PCLO: variants seen among roughly 807,000 people sequenced by gnomAD.
PCLO encodes the protein piccolo presynaptic cytomatrix protein.
A neutral mutation model predicts 427.5 loss-of-function variants in PCLO; 82 were observed. That is an observed-to-expected ratio of 0.19 (90% confidence interval 0.16 to 0.23). PCLO has a LOEUF of 0.23. PCLO is among the 10% of genes least tolerant of loss of function. PCLO has a pLI of 1.00. For synonymous variants in PCLO, 2,357 were observed against 2,155.4 expected (o/e 1.09, Z -2.59); for missense variants, 6,239 against 6,115.9 (o/e 1.02, Z -0.67).
chr7:83,139,676 T>C (rs1360754066), intron 2 of PCLO, among the ~76,000 whole-genome samples: 2 of 152,154 alleles, frequency 1.3e-5, no homozygotes, highest in Non-Finnish European at 2.9e-5. Flanking sequence ...TTGAACAGAC[T>C]CCAACCCCTC....
intron 3 of PCLO, among the ~76,000 whole-genome samples, chr7:83,034,490 A>T (rs925870942): frequency 6.6e-6 from 1 of 152,214 alleles, no homozygotes; most frequent in Admixed American, 6.5e-5. Context: ...GCCTGGTCCC[A>T]TGCTGTTTTC....
At chr7:82,765,194 AAG>A (rs1252995125) in intron 22 of PCLO, among the ~76,000 whole-genome samples, 1 of 151,896 alleles carries the variant, frequency 6.6e-6, no homozygotes, top group African/African-American at 2.4e-5. Flanking sequence ...CAGAATCTGT[AAG>A]AGTTAAAGAA....
intron 16 of PCLO, among the ~76,000 whole-genome samples, chr7:82,833,006 T>C (rs1562807499): frequency 6.6e-6 from 1 of 152,194 alleles, no homozygotes. Flanking sequence ...ATGGCTACAT[T>C]GTCAATTGTA....
intron 22 of PCLO, among the ~76,000 whole-genome samples, chr7:82,784,579 T>C (rs1401329953): frequency 6.6e-6 from 1 of 152,218 alleles, no homozygotes; most frequent in Non-Finnish European, 1.5e-5. Flanking sequence ...GTTTAGTTTA[T>C]ATTTTTCCCT....
intron 3 of PCLO, among the ~76,000 whole-genome samples, chr7:83,107,653 T>C (rs1193515567): frequency 6.6e-6 from 1 of 150,686 alleles, no homozygotes; most frequent in African/African-American, 2.4e-5. Context: ...TTAATACTAA[T>C]AATTTATTAA....
At chr7:83,053,268 C>T (rs190537228) in intron 3 of PCLO, among the ~76,000 whole-genome samples, 7 of 143,626 alleles carry the variant, frequency 4.9e-5, no homozygotes, top group Admixed American at 2.8e-4. Context: ...TCCCTTTCCA[C>T]GCTGCTCTTA....
intron 3 of PCLO, among the ~76,000 whole-genome samples, chr7:83,059,559 A>G (rs1026342704): frequency 1.3e-5 from 2 of 151,794 alleles, no homozygotes; most frequent in African/African-American, 4.8e-5. Context: ...ACAAAAAATA[A>G]GAGAAAGCCT....
intron 10 of PCLO, among the ~76,000 whole-genome samples, chr7:82,864,404 G>A (rs1793041234): frequency 6.6e-6 from 1 of 152,128 alleles, no homozygotes; most frequent in African/African-American, 2.4e-5. Flanking sequence ...AGTGGGGCTG[G>A]TGGGTGTATA....
intron 3 of PCLO, among the ~76,000 whole-genome samples, chr7:83,101,676 CTG>C (rs1175785395): frequency 1.3e-5 from 2 of 152,108 alleles, no homozygotes; most frequent in South Asian, 2.1e-4. Context: ...GCACAAGAAA[CTG>C]TGACATTTCA....
intron 4 of PCLO, among the ~76,000 whole-genome samples, chr7:82,959,195 T>C (rs1433296836): frequency 6.6e-6 from 1 of 152,014 alleles, no homozygotes; most frequent in East Asian, 1.9e-4. Flanking sequence ...GCCTCCCGAG[T>C]AGCTGGGATT....
chr7:82,780,055 C>T (rs1434984093), intron 22 of PCLO, among the ~76,000 whole-genome samples: 1 of 152,122 alleles, frequency 6.6e-6, no homozygotes, highest in Non-Finnish European at 1.5e-5. Context: ...TTGTAAACCT[C>T]TTTCTCACTA....
Position 82,914,816 on chromosome 7 carries a change from A to G in PCLO, c.13170T>C (p.Asp4390=), listed in dbSNP as rs1562854125. ...GCAATGAGTGGCTTGATCCAAACTG[A>G]TCCCTGGTGTCTGCAGATATTGGTG... ...PLPPISADTR[D]QFGSSHSLPE... The change falls in exon 7 of 25, where the codon GAT becomes GAC. Residue 4390 remains aspartate, a synonymous_variant. Transcript: ENST00000333891. The G allele has an allele frequency of 1.2e-6, 2 of 1,613,390 alleles. No homozygotes were observed. Among genetic ancestry groups the G allele is most frequent in the Non-Finnish European group, 8.5e-7 (1 of 1,179,670 alleles).
intron 9 of PCLO, among the ~76,000 whole-genome samples, chr7:82,897,193 C>T (rs1330830458): frequency 6.6e-6 from 1 of 151,424 alleles, no homozygotes; most frequent in Admixed American, 6.6e-5. Context: ...GATGAACAAA[C>T]TTATTCTCAA....
rs1790361079 is a variant in PCLO at position 82,758,389 on chromosome 7, T to C, written c.*186A>G. On this transcript the variant is annotated 3_prime_UTR_variant, in exon 25 of 25. Coordinates refer to ENST00000333891, the MANE Select transcript of PCLO (RefSeq NM_033026.6). ...TTCTTCTTGTTTTCAGTATGTGAAC[T>C]TTTTCAGTTGAATATCTTTGTGTGA... 1.0e-5 allele frequency: 5 copies of C among 481,960 alleles called. No homozygotes were observed. Among genetic ancestry groups the C allele is most frequent in the Non-Finnish European group, 1.5e-5 (4 of 273,820 alleles). 29.9% of individuals were successfully genotyped at this position (481,960 alleles called of 1,614,324 possible). A position where few individuals can be genotyped will look rare whatever the true frequency, so the allele number is the denominator to read the frequency against.
intron 3 of PCLO, among the ~76,000 whole-genome samples, chr7:82,975,147 T>A (rs559814478): frequency 7.9e-5 from 12 of 152,106 alleles, no homozygotes; most frequent in Non-Finnish European, 1.6e-4. Flanking sequence ...GCAAAAAAAC[T>A]TAGACTTAAG....
chr7:82,756,518 C>T lies in PCLO; in HGVS notation c.*2057G>A, dbSNP rs920880943. The T allele has an allele frequency of 7.0e-6, 1 of 142,582 alleles. No homozygotes were observed. Among genetic ancestry groups the T allele is most frequent in the Non-Finnish European group, 1.5e-5 (1 of 64,870 alleles). 8.8% of individuals were successfully genotyped at this position (142,582 alleles called of 1,614,324 possible). On this transcript the variant is annotated 3_prime_UTR_variant, in exon 25 of 25. Coordinates refer to ENST00000333891, the MANE Select transcript of PCLO (RefSeq NM_033026.6). Reference sequence around the variant, plus strand: ...TTATCTTTCTCAGTTTGGGGAAGATCGAATTTGTATTCTGAAGTCATATAT... The same window carrying T: ...TTATCTTTCTCAGTTTGGGGAAGATTGAATTTGTATTCTGAAGTCATATAT...
intron 2 of PCLO, among the ~76,000 whole-genome samples, chr7:83,140,867 T>C (rs925606247): frequency 1.3e-5 from 2 of 152,216 alleles, no homozygotes; most frequent in African/African-American, 4.8e-5. Flanking sequence ...AGTAGAGACA[T>C]ACCTGCCTCA....
Position 82,954,866 on chromosome 7 carries a change from A to C in PCLO, c.6087T>G (p.Ile2029Met). 6.2e-7 allele frequency: 1 copy of C among 1,613,948 alleles called. No homozygotes were observed. Among genetic ancestry groups the C allele is most frequent in the Non-Finnish European group, 8.5e-7 (1 of 1,179,854 alleles). ...SLHSVVPQED[I>M]VSSSFIIPES... is the part of the protein sequence containing the mutation. ...CTGGGATGATAAAAGAGCTTGAAAC[A>C]ATATCTTCCTGAGGCACAACAGAAT... Residue 2029 changes from isoleucine to methionine, a missense_variant, in exon 5 of 25, where the codon ATT becomes ATG. Coordinates refer to ENST00000333891, the MANE Select transcript of PCLO (RefSeq NM_033026.6).
chr7:82,991,759 T>C (rs1159753750), intron 3 of PCLO, among the ~76,000 whole-genome samples: 1 of 152,128 alleles, frequency 6.6e-6, no homozygotes, highest in Non-Finnish European at 1.5e-5. Context: ...CATGTTGCTA[T>C]GGAACAACTA....
Sources: allele counts gnomAD v4.1 joint callset (sites outside exome capture counted in the v4.1 genomes callset), GRCh38; gene constraint gnomAD v4.1.1; transcripts MANE v1.5; gene names NCBI Gene and HGNC (gene_info 2026-07-23, HGNC 2026-07-21).